ARHGEF7: variants seen among roughly 807,000 people sequenced by gnomAD.
ARHGEF7 encodes the protein Rho guanine nucleotide exchange factor 7.
In ARHGEF7, 33 loss-of-function variants were observed where a neutral mutation model predicts 109.8. The observed-to-expected ratio is 0.30, with a 90% CI of 0.23 to 0.40. The LOEUF is 0.40. Among genes scored for constraint, ARHGEF7 ranks in the 10% least tolerant of loss-of-function variants. The pLI, the probability that ARHGEF7 is intolerant of heterozygous loss-of-function variation, is 1.00. For synonymous variants in ARHGEF7, 458 were observed against 424.6 expected, an observed-to-expected ratio of 1.08 and a Z score of -0.97; for missense variants, 938 against 1,098.5, an observed-to-expected ratio of 0.85 and a Z score of 2.07.
chr13:111,221,514 GATATATATCT>G (rs1458547235), intron 5 of ARHGEF7, among the ~76,000 whole-genome samples: 5 of 48,422 alleles, frequency 1.0e-4, no homozygotes, highest in African/African-American at 3.2e-4. Context: ...TATATATATA[GATATATATCT>G]ATATATATCT....
At chr13:111,157,007 A>C (rs549285811) in intron 2 of ARHGEF7, among the ~76,000 whole-genome samples, 1 of 152,338 alleles carries the variant, frequency 6.6e-6, no homozygotes, top group South Asian at 2.1e-4. Flanking sequence ...AAAAGGAAGT[A>C]AACTTGGTTA....
chr13:111,184,110 C>T (rs1440942801), intron 2 of ARHGEF7, among the ~76,000 whole-genome samples: 1 of 152,172 alleles, frequency 6.6e-6, no homozygotes, highest in Admixed American at 6.5e-5. Context: ...CCGCCGTTCT[C>T]ATGATCGTGA....
At chr13:111,233,094 C>T in intron 5 of ARHGEF7, 111 bp from the exon 6 acceptor site, 1 of 912,038 alleles carries the variant, frequency 1.1e-6, no homozygotes, top group South Asian at 1.4e-5. Context: ...TGCCATTTGG[C>T]TTGTTAATTC....
At position 111,133,328 on chromosome 13, in the gene ARHGEF7, A is replaced by T. The variant is rs148261009; in HGVS notation, c.165+17637A>T. 3.0e-4 allele frequency among the ~76,000 whole-genome samples: 46 copies of T among 152,304 alleles called. No homozygotes were observed. The East Asian group carries it at 5.6e-3, about 19-fold the overall frequency. On this transcript the variant is annotated intron_variant, in intron 1 of 21. Transcript: ENST00000646102. ...TGCCTATACACATGGATATGCACAT[A>T]TGCAGACATACACATGCACACACAT...
intron 2 of ARHGEF7, among the ~76,000 whole-genome samples, chr13:111,200,453 C>CT (rs34569096): frequency 0.15 from 22,301 of 146,098 alleles, 1,834 homozygotes; most frequent in African/African-American, 0.22. Context: ...GAAATCATGT[C>CT]TTTTTTTTTT....
chr13:111,153,784 G>A (rs1371553249), intron 1 of ARHGEF7, 121 bp from the exon 2 acceptor site: 22 of 1,382,406 alleles, frequency 1.6e-5, no homozygotes, highest in Middle Eastern at 2.6e-4. Context: ...CCAGGCCGTC[G>A]GGGGCCGCTC....
Position 111,209,964 on chromosome 13 carries a change from C to T in ARHGEF7, c.430C>T (p.Arg144Trp), listed in dbSNP as rs186440416. ...CCTTGGATCACAGTCTTTGCACACT[C>T]GGACTTCAAAACTGTTCCAGGGCCA... ...DSLGSQSLHTRTSKLFQGQYR... is the reference protein window; with the variant it reads ...DSLGSQSLHTWTSKLFQGQYR... Residue 144 changes from arginine to tryptophan, a missense_variant, in exon 4 of 22, where the codon CGG (arginine) becomes TGG (tryptophan). By Grantham distance (101) the Arg-to-Trp change is moderately radical. Transcript: ENST00000646102. 97 of 1,614,156 alleles carry T rather than the reference C, an allele frequency of 6.0e-5. No individual in the cohort carries two copies. Among genetic ancestry groups the T allele is most frequent in the Admixed American group, 5.2e-4 (31 of 60,022 alleles).
At position 111,197,732 on chromosome 13, in the gene ARHGEF7, T is replaced by C. The variant is rs571211688; in HGVS notation, c.253-7557T>C. Among the ~76,000 whole-genome samples, 49 of 152,300 alleles carry C rather than the reference T, an allele frequency of 3.2e-4. 1 individual carries two copies. Among genetic ancestry groups the C allele is most frequent in the African/African-American group, 1.1e-3 (47 of 41,562 alleles). ...TGAGTAGGGGTGCTAAAATTCCAGA[T>C]AGTACCCCCTATGACAGGGCTTTGG... On this transcript the variant is annotated intron_variant, in intron 2 of 21. Transcript: ENST00000646102.
At chr13:111,133,601 T>C (rs893746209) in intron 1 of ARHGEF7, among the ~76,000 whole-genome samples, 2 of 151,034 alleles carry the variant, frequency 1.3e-5, no homozygotes, top group African/African-American at 2.4e-5. Context: ...TCAAGTAAGA[T>C]GGTTCTTCCA....
chr13:111,152,814 T>C (rs141350328), intron 1 of ARHGEF7, among the ~76,000 whole-genome samples: 417 of 152,370 alleles, frequency 2.7e-3, no homozygotes, highest in African/African-American at 9.7e-3. Flanking sequence ...ATAAAGTTTT[T>C]CGTATGCCTC....
chr13:111,222,720 C>T (rs922079285), intron 5 of ARHGEF7, among the ~76,000 whole-genome samples: 5 of 152,244 alleles, frequency 3.3e-5, no homozygotes, highest in Admixed American at 2.0e-4. Context: ...TGAGCCACCA[C>T]GCCCAGCCCA....
In ARHGEF7 at chr13:111,304,240, A is replaced by G. The variant is rs772115022; in HGVS notation, c.*1127A>G. 1.3e-5 allele frequency: 2 copies of G among 152,284 alleles called. No individual in the cohort carries two copies. Among genetic ancestry groups the G allele is most frequent in the Non-Finnish European group, 2.9e-5 (2 of 68,066 alleles). The allele number at this position is 152,284 out of a possible 1,614,324, so 9.4% of individuals were successfully genotyped here. On this transcript the variant is annotated 3_prime_UTR_variant, in exon 22 of 22. Transcript: ENST00000646102. ...GGGAACGTTTCCCCCACTGTGTTCC[A>G]GTGCAGAGGAGACGAAGCCTGTCCT...
intron 1 of ARHGEF7, among the ~76,000 whole-genome samples, chr13:111,140,694 CGTTT>C (rs1316199244): frequency 6.6e-6 from 1 of 151,680 alleles, no homozygotes; most frequent in Non-Finnish European, 1.5e-5. Flanking sequence ...TTTGTTTGTT[CGTTT>C]GTTTGCTTTT....
At chr13:111,207,428 G>C (rs903536211) in intron 3 of ARHGEF7, among the ~76,000 whole-genome samples, 1 of 152,148 alleles carries the variant, frequency 6.6e-6, no homozygotes. Flanking sequence ...TTGGCCTCCC[G>C]AAGTGCTGAG....
chr13:111,189,525 G>C (rs1414515776), intron 2 of ARHGEF7, among the ~76,000 whole-genome samples: 1 of 152,160 alleles, frequency 6.6e-6, no homozygotes, highest in Non-Finnish European at 1.5e-5. Context: ...CTCGTGGTGA[G>C]TGTTAACAGC....
At chr13:111,265,142 A>AAAAAAAAAAAAC (rs2091498161) in intron 8 of ARHGEF7, among the ~76,000 whole-genome samples, 1 of 151,478 alleles carries the variant, frequency 6.6e-6, no homozygotes, top group African/African-American at 2.4e-5. Flanking sequence ...AAAAAAAAAA[A>AAAAAAAAAAAAC]AAAAAGAAGA....
In ARHGEF7 at chr13:111,294,761, G is replaced by A; in HGVS notation, c.2311+2467G>A. ...TAGAATCTTCTGTTCATACAATTCTGTAATATTTATTTGTACAGTTAGTAT... is the reference window on the plus strand; with the variant it reads ...TAGAATCTTCTGTTCATACAATTCTATAATATTTATTTGTACAGTTAGTAT... On this transcript the variant is annotated intron_variant, in intron 19 of 21. Transcript: ENST00000646102. The A allele has an allele frequency of 6.1e-6, 6 of 985,524 alleles. No individual in the cohort carries two copies. The South Asian group carries it at 1.9e-4, about 31-fold the overall frequency. The allele number at this position is 985,524 out of a possible 1,614,324, so 61.0% of individuals were successfully genotyped here. A position where few individuals can be genotyped will look rare whatever the true frequency, so the allele number is the denominator to read the frequency against.
chr13:111,284,799 C>T (rs895026266), intron 16 of ARHGEF7, among the ~76,000 whole-genome samples: 1 of 152,028 alleles, frequency 6.6e-6, no homozygotes, highest in African/African-American at 2.4e-5. Flanking sequence ...GGCCGCTCTG[C>T]AGCCCGCTCT....
chr13:111,275,398 G>A (rs915612586), intron 11 of ARHGEF7, 134 bp from the exon 12 acceptor site: 24 of 1,028,166 alleles, frequency 2.3e-5, no homozygotes, highest in Middle Eastern at 3.2e-4. Context: ...TAAGCAAATC[G>A]CTCAATAAAT....
Sources: allele counts gnomAD v4.1 joint callset (sites outside exome capture counted in the v4.1 genomes callset), GRCh38; gene constraint gnomAD v4.1.1; transcripts MANE v1.5; gene names NCBI Gene and HGNC (gene_info 2026-07-23, HGNC 2026-07-21).